Variants in CENPK observed in about 807,000 individuals in gnomAD.
The protein encoded by CENPK is centromere protein K.
CENPK carries 46 observed loss-of-function variants against 40.9 expected under a neutral mutation model. That is an observed-to-expected ratio of 1.13 (90% CI 0.89 to 1.44). The LOEUF is 1.44. Among genes scored for constraint, CENPK ranks in the 40% most tolerant of loss-of-function variants. The pLI is 0.00. For missense variants in CENPK, 288 were observed against 303.5 expected (o/e 0.95, Z 0.38); for synonymous variants, 107 against 104.4 (o/e 1.02, Z -0.15).
At chr5:65,517,099 A>T (rs1370666221), downstream of CENPK, among the ~76,000 whole-genome samples, 1 of 151,918 alleles carries the variant, frequency 6.6e-6, no homozygotes, top group Admixed American at 6.6e-5. Flanking sequence ...GCACCACCAC[A>T]CCCAGCTAAT....
chr5:65,532,441 C>T (rs1204284993), intron 6 of CENPK, among the ~76,000 whole-genome samples: 1 of 151,994 alleles, frequency 6.6e-6, no homozygotes, highest in Non-Finnish European at 1.5e-5. Flanking sequence ...CTAACAAAGA[C>T]ATCACAAAAA....
At chr5:65,539,768 T>C (rs986137733) in intron 6 of CENPK, among the ~76,000 whole-genome samples, 2 of 152,196 alleles carry the variant, frequency 1.3e-5, no homozygotes, top group Admixed American at 1.3e-4. Context: ...GCCAGGAGGC[T>C]CCTTCCTTTA....
downstream of CENPK, among the ~76,000 whole-genome samples, chr5:65,513,434 G>C (rs1270687120): frequency 6.6e-6 from 1 of 152,100 alleles, no homozygotes; most frequent in Non-Finnish European, 1.5e-5. Flanking sequence ...CATGAATATG[G>C]AATATTATTC....
the CENPK span, among the ~76,000 whole-genome samples, chr5:65,504,395 T>G: frequency 2.1e-5 from 3 of 142,328 alleles, no homozygotes; most frequent in Non-Finnish European, 4.5e-5. Context: ...GATGGGAGGT[T>G]GCAGTGGGCC....
chr5:65,529,269 T>C (rs1426088973), intron 6 of CENPK, 70 bp from the exon 7 acceptor site: 6 of 1,023,288 alleles, frequency 5.9e-6, no homozygotes, highest in Non-Finnish European at 8.9e-6. Context: ...GATAGTCAAA[T>C]TTACACAGTG....
In CENPK at chr5:65,561,587, G is replaced by T. The variant is rs1581126507; in HGVS notation, c.-141-23C>A. On this transcript the variant is annotated intron_variant, in intron 1 of 10. Coordinates refer to ENST00000396679, the MANE Select transcript of CENPK (RefSeq NM_022145.5). ...GACCTGTGAGAAATAAATTTCAGTT[G>T]TTTAATTAAAACACACACACACACA... The T allele has an allele frequency of 1.2e-5, 5 of 413,712 alleles. No individual in the cohort carries two copies. The African/African-American group carries it at 1.3e-4, about 11-fold the overall frequency. The allele number at this position is 413,712 out of a possible 1,614,324, so 25.6% of individuals were successfully genotyped here. A position where few individuals can be genotyped will look rare whatever the true frequency, so the allele number is the denominator to read the frequency against.
the CENPK span, among the ~76,000 whole-genome samples, chr5:65,496,663 A>G: frequency 7.2e-5 from 11 of 152,268 alleles, no homozygotes; most frequent in Admixed American, 7.2e-4. Flanking sequence ...AAAAAAGGTT[A>G]CAAGTGGTTA....
downstream of CENPK, among the ~76,000 whole-genome samples, chr5:65,515,235 G>C (rs1580853148): frequency 8.5e-6 from 1 of 117,888 alleles, no homozygotes; most frequent in Non-Finnish European, 1.7e-5. Context: ...ACGGAGTCTT[G>C]CTCTGTCGCC....
In CENPK at chr5:65,518,430, T is replaced by G; in HGVS notation, c.*45A>C. 1 of 1,572,828 alleles carries G rather than the reference T, an allele frequency of 6.4e-7. No individual in the cohort carries two copies. The highest frequency in any genetic ancestry group is 8.6e-7 in the Non-Finnish European group (1 of 1,156,440). ...AAATAGTCCTGTGGTTCCAATATCCTTGAATGATAAGAATTTTTACTGTGT... is the reference window on the plus strand; with the variant it reads ...AAATAGTCCTGTGGTTCCAATATCCGTGAATGATAAGAATTTTTACTGTGT... On this transcript the variant is annotated 3_prime_UTR_variant, in exon 11 of 11. Coordinates refer to ENST00000396679, the MANE Select transcript of CENPK (RefSeq NM_022145.5).
the CENPK span, among the ~76,000 whole-genome samples, chr5:65,507,412 C>A: frequency 6.6e-6 from 1 of 152,164 alleles, no homozygotes; most frequent in Non-Finnish European, 1.5e-5. Flanking sequence ...AAACAAAAAT[C>A]AATTCTGTTA....
downstream of CENPK, among the ~76,000 whole-genome samples, chr5:65,516,672 A>T (rs1455053974): frequency 6.7e-6 from 1 of 149,694 alleles, no homozygotes; most frequent in Non-Finnish European, 1.5e-5. Context: ...AATCAAAAAT[A>T]AGTTAAAAAT....
the CENPK span, among the ~76,000 whole-genome samples, chr5:65,505,072 T>A: frequency 6.6e-5 from 10 of 152,106 alleles, no homozygotes; most frequent in African/African-American, 2.4e-4. Flanking sequence ...GGACTACAGG[T>A]ATGTCCCACC....
intron 2 of CENPK, among the ~76,000 whole-genome samples, chr5:65,556,288 A>G (rs1750963031): frequency 6.6e-6 from 1 of 152,126 alleles, no homozygotes; most frequent in South Asian, 2.1e-4. Flanking sequence ...GCCTGGCAAC[A>G]AAGTAAGACC....
At position 65,561,831 on chromosome 5, in the gene CENPK, C is replaced by CA. The variant is rs535716166; in HGVS notation, c.-141-268dup. Among the ~76,000 whole-genome samples the CA allele has an allele frequency of 3.4e-3, 518 of 152,154 alleles. 1 individual carries two copies. Among genetic ancestry groups the CA allele is most frequent in the Non-Finnish European group, 5.6e-3 (379 of 67,972 alleles). ...AAAAGATTAATATACATGAAATAAG[C>CA]AAAAAATACCCACATAATTCTAAAA... is the stretch of plus-strand genomic sequence containing the variant. On this transcript the variant is annotated intron_variant, in intron 1 of 10. Coordinates refer to ENST00000396679, the MANE Select transcript of CENPK (RefSeq NM_022145.5).
intron 4 of CENPK, among the ~76,000 whole-genome samples, chr5:65,552,185 C>T (rs1276541502): frequency 6.6e-6 from 1 of 151,934 alleles, no homozygotes; most frequent in East Asian, 1.9e-4. Context: ...GGTCTTTGTT[C>T]TAATTTTAAC....
At chr5:65,550,235 C>T (rs567694497) in intron 5 of CENPK, among the ~76,000 whole-genome samples, 1 of 151,880 alleles carries the variant, frequency 6.6e-6, no homozygotes, top group East Asian at 1.9e-4. Context: ...TAACTGGTGC[C>T]GGAGGCCTAG....
At chr5:65,533,263 T>C (rs1055044909) in intron 6 of CENPK, among the ~76,000 whole-genome samples, 10 of 151,706 alleles carry the variant, frequency 6.6e-5, no homozygotes, top group African/African-American at 2.4e-4. Flanking sequence ...GGCAGGAGAA[T>C]TGCTTGAACC....
At chr5:65,550,080 A>C (rs958042560) in intron 5 of CENPK, among the ~76,000 whole-genome samples, 2 of 150,558 alleles carry the variant, frequency 1.3e-5, no homozygotes, top group Admixed American at 6.7e-5. Flanking sequence ...ACATAGGAGA[A>C]TCACTTGAAC....
intron 6 of CENPK, among the ~76,000 whole-genome samples, chr5:65,537,010 CA>C (rs1747032398): frequency 6.6e-6 from 1 of 152,196 alleles, no homozygotes; most frequent in African/African-American, 2.4e-5. Context: ...CTCTTGTATT[CA>C]CTTCCACCTT....
Sources: gnomAD v4.1 joint callset for allele counts (sites outside exome capture counted in the v4.1 genomes callset) on GRCh38, gnomAD v4.1.1 for gene constraint, MANE v1.5 for transcripts, NCBI Gene and HGNC (gene_info 2026-07-23, HGNC 2026-07-21) for gene names.